COL10A1: variants seen among roughly 807,000 people sequenced by gnomAD.
COL10A1 encodes collagen type X alpha 1 chain.
In COL10A1, 10 loss-of-function variants were observed where a neutral mutation model predicts 18.2. The ratio of observed to expected loss-of-function variants is 0.55; its 90% CI spans 0.34 to 0.93. COL10A1 has a LOEUF of 0.93. COL10A1 is among the 40% of genes least tolerant of loss of function. The pLI, the probability that COL10A1 is intolerant of heterozygous loss-of-function variation, is 0.02. For synonymous variants in COL10A1, 330 were observed against 316.6 expected (o/e 1.04, Z -0.45); for missense variants, 897 against 853.5 (o/e 1.05, Z -0.64).
chr6:116,166,107 G>T, the COL10A1 span, among the ~76,000 whole-genome samples: 1 of 152,140 alleles, frequency 6.6e-6, no homozygotes, highest in East Asian at 1.9e-4. Context: ...GGTGAAGGGA[G>T]AAGAGAAGCA....
chr6:116,136,819 T>C (rs1482252664), intron 1 of COL10A1, among the ~76,000 whole-genome samples: 3 of 152,174 alleles, frequency 2.0e-5, no homozygotes, highest in African/African-American at 7.2e-5. Flanking sequence ...AGCCCTCAGA[T>C]TCAGATACGA....
chr6:116,183,180 C>T, the COL10A1 span, among the ~76,000 whole-genome samples: 1 of 151,910 alleles, frequency 6.6e-6, no homozygotes, highest in Non-Finnish European at 1.5e-5. Context: ...GATCAGTAGG[C>T]TGTAAGTATT....
Position 116,149,723 on chromosome 6 carries a change from T to C in COL10A1, c.-16+8891A>G, listed in dbSNP as rs149996439. 3.3e-3 allele frequency among the ~76,000 whole-genome samples: 501 copies of C among 152,292 alleles called. 5 individuals carry two copies. Among genetic ancestry groups the C allele is most frequent in the African/African-American group, 0.011 (460 of 41,558 alleles). On this transcript the variant is annotated intron_variant, in intron 1 of 1. Coordinates refer to the COL10A1 transcript ENST00000418500. ...CACCAAATCAGTTTAGAGATTGGGG[T>C]AGAACTTTTGAATCTGGGATCTCCA...
chr6:116,139,046 G>A (rs1315291962), intron 1 of COL10A1, among the ~76,000 whole-genome samples: 1 of 152,032 alleles, frequency 6.6e-6, no homozygotes, highest in Non-Finnish European at 1.5e-5. Flanking sequence ...TTTAGAAAAT[G>A]ACTGATAAAA....
intron 1 of COL10A1, among the ~76,000 whole-genome samples, chr6:116,133,767 C>T (rs2114338751): frequency 6.6e-6 from 1 of 152,286 alleles, no homozygotes; most frequent in Middle Eastern, 3.4e-3. Flanking sequence ...GCCTCTTGCC[C>T]ACCAGTAATG....
chr6:116,164,529 T>A, the COL10A1 span, among the ~76,000 whole-genome samples: 1 of 152,352 alleles, frequency 6.6e-6, no homozygotes. Flanking sequence ...AATCTTGTTT[T>A]TCTTACCCAA....
chr6:116,215,003 C>T, the COL10A1 span, among the ~76,000 whole-genome samples: 26 of 152,164 alleles, frequency 1.7e-4, no homozygotes, highest in Admixed American at 1.7e-3. Flanking sequence ...TTGTTAACAT[C>T]ATCATTCTCT....
At position 116,121,290 on chromosome 6, in the gene COL10A1, C is replaced by T. The variant is rs374379874; in HGVS notation, c.826G>A (p.Gly276Arg). The T allele has an allele frequency of 1.2e-6, 2 of 1,614,012 alleles. No homozygotes were observed. Among genetic ancestry groups the T allele is most frequent in the Non-Finnish European group, 1.7e-6 (2 of 1,179,960 alleles). Residue 276 changes from glycine (G) to arginine (R), a missense_variant, in exon 3 of 3, where the codon GGG becomes AGG. Coordinates refer to ENST00000651968, the MANE Select transcript of COL10A1 (RefSeq NM_000493.4). ...PGAAGAPGQP[G>R]IPGTKGLPGA... ...GGGAGACCTTTTGTTCCTGGAATCCCTGGCTGGCCTGGGGCTCCAGCAGCT... is the reference window on the plus strand; with the variant it reads ...GGGAGACCTTTTGTTCCTGGAATCCTTGGCTGGCCTGGGGCTCCAGCAGCT...
chr6:116,166,431 AG>A, the COL10A1 span, among the ~76,000 whole-genome samples: 2 of 152,232 alleles, frequency 1.3e-5, no homozygotes, highest in Non-Finnish European at 1.5e-5. Context: ...TCTTCAACAA[AG>A]GTGCTAAGAA....
intron 1 of COL10A1, among the ~76,000 whole-genome samples, chr6:116,148,758 T>G (rs1405795412): frequency 6.6e-6 from 1 of 152,186 alleles, no homozygotes; most frequent in Non-Finnish European, 1.5e-5. Flanking sequence ...TGTTTATTAT[T>G]CAGATATATG....
At chr6:116,127,644 G>A (rs1181019418), upstream of COL10A1, among the ~76,000 whole-genome samples, 1 of 152,122 alleles carries the variant, frequency 6.6e-6, no homozygotes, top group Non-Finnish European at 1.5e-5. Context: ...AAAAGTAGGT[G>A]AGGTAACTTT....
In COL10A1 at chr6:116,120,836, G is replaced by A. The variant is rs770327915; in HGVS notation, c.1280C>T (p.Ala427Val). The A allele has an allele frequency of 3.1e-6, 5 of 1,613,844 alleles. No individual in the cohort carries two copies. Among genetic ancestry groups the A allele is most frequent in the Non-Finnish European group, 4.2e-6 (5 of 1,179,956 alleles). Residue 427 changes from alanine to valine, a missense_variant, in exon 3 of 3, where the codon GCA (alanine) becomes GTA (valine). Coordinates refer to ENST00000651968, the MANE Select transcript of COL10A1 (RefSeq NM_000493.4). ...GTGTCCGGGCATTCCCTTTGCTCCT[G>A]CTGGGCCCACAGGGCCTGGGAGACC... ...PPGLPGPVGPAGAKGMPGHNG... is the reference protein window; with the variant it reads ...PPGLPGPVGPVGAKGMPGHNG...
intron 1 of COL10A1, among the ~76,000 whole-genome samples, chr6:116,154,568 A>C (rs969745120): frequency 6.6e-6 from 1 of 152,148 alleles, no homozygotes; most frequent in Admixed American, 6.5e-5. Flanking sequence ...TTGCTTTTTT[A>C]AAAAATGCTA....
rs1779125856 is a variant in COL10A1, at chr6:116,121,501, T to C, written c.615A>G (p.Pro205=). ...APGRPGERGL[P]GPQGPTGPSG... is the part of the protein sequence containing the mutation. ...ATGGTCCTGTGGGACCCTGAGGGCC[T>C]GGAAGACCCCTCTCACCTGGACGAC... Residue 205 remains proline (P), a synonymous_variant, in exon 3 of 3, where the codon CCA becomes CCG. Transcript: ENST00000651968. The C allele has an allele frequency of 1.2e-6, 2 of 1,614,020 alleles. No homozygotes were observed. Among genetic ancestry groups the C allele is most frequent in the Admixed American group, 3.3e-5 (2 of 60,002 alleles).
At chr6:116,128,515 AT>A (rs1218916430), upstream of COL10A1, among the ~76,000 whole-genome samples, 2 of 152,152 alleles carry the variant, frequency 1.3e-5, no homozygotes, top group Admixed American at 1.3e-4. Flanking sequence ...ATGAATAATG[AT>A]TTTTTTCACA....
chr6:116,143,678 CTT>C (rs1166505788), intron 1 of COL10A1, among the ~76,000 whole-genome samples: 1 of 151,946 alleles, frequency 6.6e-6, no homozygotes, highest in Non-Finnish European at 1.5e-5. Flanking sequence ...TGTTGCATTA[CTT>C]TTTTGTTTTG....
chr6:116,164,491 T>C, the COL10A1 span, among the ~76,000 whole-genome samples: 2 of 152,206 alleles, frequency 1.3e-5, no homozygotes, highest in Admixed American at 6.5e-5. Context: ...ATACATTATG[T>C]GGGTCTCTTT....
chr6:116,165,494 C>G, the COL10A1 span, among the ~76,000 whole-genome samples: 1 of 152,218 alleles, frequency 6.6e-6, no homozygotes, highest in Admixed American at 6.5e-5. Flanking sequence ...TTGGTGACTT[C>G]ACATAGTCCT....
chr6:116,176,589 A>G, the COL10A1 span, among the ~76,000 whole-genome samples: 1 of 152,316 alleles, frequency 6.6e-6, no homozygotes, highest in Admixed American at 6.5e-5. Flanking sequence ...AGTACCATCT[A>G]CTTGGTATTG....
Sources: allele counts gnomAD v4.1 joint callset (sites outside exome capture counted in the v4.1 genomes callset), GRCh38; gene constraint gnomAD v4.1.1; transcripts MANE v1.5; gene names NCBI Gene and HGNC (gene_info 2026-07-23, HGNC 2026-07-21).